HIGD1A: variants seen among roughly 807,000 people sequenced by gnomAD.
HIGD1A encodes HIG1 domain family member 1A, mitochondrial.
Under a neutral mutation model 11.3 loss-of-function variants are expected in HIGD1A, and 8 were observed. The observed-to-expected ratio is 0.71, with a 90% confidence interval of 0.42 to 1.28. The LOEUF (loss-of-function observed/expected upper bound fraction) is 1.28. Ranked by LOEUF, HIGD1A falls within the 50% of genes most tolerant of loss-of-function variation. The pLI, the probability that HIGD1A is intolerant of heterozygous loss-of-function variation, is 0.01. For missense variants in HIGD1A, 107 were observed against 118.8 expected, an observed-to-expected ratio of 0.90 and a Z score of 0.46; for synonymous variants, 32 against 38.4, an observed-to-expected ratio of 0.83 and a Z score of 0.62.
In HIGD1A at chr3:42,784,144, T is replaced by A. The variant is rs1490239216; in HGVS notation, c.*1127A>T. Among the ~76,000 whole-genome samples, 23 of 145,166 alleles carry A rather than the reference T, an allele frequency of 1.6e-4. No individual in the cohort carries two copies. The highest frequency in any genetic ancestry group is 1.4e-3 in the Admixed American group (21 of 14,706). On this transcript the variant is annotated 3_prime_UTR_variant, in exon 4 of 4. Coordinates refer to ENST00000321331, the MANE Select transcript of HIGD1A (RefSeq NM_014056.4). ...AAATTACCCACAAAAGGAAAAAAAA[T>A]AAAACATACCATAAAGTAAAATATT...
At chr3:42,803,624 CT>C (rs1002444771) in intron 1 of HIGD1A, among the ~76,000 whole-genome samples, 15 of 152,220 alleles carry the variant, frequency 9.9e-5, no homozygotes, top group Admixed American at 8.5e-4. Context: ...TCCAAAGTGC[CT>C]TTGTACTTCC....
chr3:42,800,566 C>CT (rs1248315899), intron 1 of HIGD1A, among the ~76,000 whole-genome samples: 35 of 151,516 alleles, frequency 2.3e-4, no homozygotes, highest in Middle Eastern at 3.4e-3. Flanking sequence ...TAACTCCTCC[C>CT]ATTTTTTTTT....
intron 2 of HIGD1A, among the ~76,000 whole-genome samples, chr3:42,791,734 A>G (rs1700423983): frequency 6.6e-6 from 1 of 152,204 alleles, no homozygotes; most frequent in African/African-American, 2.4e-5. Flanking sequence ...ACAACCCATT[A>G]AAGAGCAGAA....
chr3:42,789,110 C>T (rs769401315), intron 2 of HIGD1A, among the ~76,000 whole-genome samples: 3 of 143,648 alleles, frequency 2.1e-5, no homozygotes, highest in East Asian at 4.2e-4. Context: ...GTGCAATCTC[C>T]GCTCACTGCA....
chr3:42,802,961 T>C (rs895592531), intron 1 of HIGD1A, among the ~76,000 whole-genome samples: 13 of 152,218 alleles, frequency 8.5e-5, no homozygotes, highest in African/African-American at 3.1e-4. Context: ...GAATGATATA[T>C]ATAAAAAAAT....
intron 2 of HIGD1A, among the ~76,000 whole-genome samples, chr3:42,790,362 G>A (rs1700408641): frequency 6.6e-6 from 1 of 152,088 alleles, no homozygotes; most frequent in Non-Finnish European, 1.5e-5. Context: ...GCAAAACCCT[G>A]TCTCTACTAA....
chr3:42,804,222 A>G lies in HIGD1A; in HGVS notation c.-23+214T>C, dbSNP rs774932730. ...CGCTGGCTCCGTCTCCCCTCACCCG[A>G]AGGACCCTAGGCCTCGGCTCCCGAC... is the stretch of plus-strand genomic sequence containing the variant. On this transcript the variant is annotated intron_variant, in intron 1 of 3. Transcript: ENST00000321331. 18 of 1,601,980 alleles carry G rather than the reference A, an allele frequency of 1.1e-5. No individual in the cohort carries two copies. The South Asian group carries it at 1.8e-4, about 16-fold the overall frequency.
At chr3:42,791,936 A>T (rs1032123467) in intron 2 of HIGD1A, among the ~76,000 whole-genome samples, 1 of 152,258 alleles carries the variant, frequency 6.6e-6, no homozygotes, top group African/African-American at 2.4e-5. Flanking sequence ...GTTACAAAAC[A>T]TTGTATATCT....
chr3:42,803,140 C>T (rs1370917248), intron 1 of HIGD1A, among the ~76,000 whole-genome samples: 1 of 152,096 alleles, frequency 6.6e-6, no homozygotes, highest in Admixed American at 6.5e-5. Flanking sequence ...GTTGAATAGA[C>T]GCTAAAAAAG....
At chr3:42,801,538 C>T (rs1700562329) in intron 1 of HIGD1A, among the ~76,000 whole-genome samples, 1 of 152,174 alleles carries the variant, frequency 6.6e-6, no homozygotes, top group Non-Finnish European at 1.5e-5. Flanking sequence ...TTAAAAGTTA[C>T]ATTTCTCAAC....
intron 2 of HIGD1A, among the ~76,000 whole-genome samples, chr3:42,792,591 G>A (rs992897274): frequency 1.3e-5 from 2 of 149,974 alleles, no homozygotes; most frequent in South Asian, 2.1e-4. Flanking sequence ...GGAGAATGGC[G>A]TGAACTCGGG....
intron 1 of HIGD1A, among the ~76,000 whole-genome samples, chr3:42,796,020 C>T (rs1246417121): frequency 6.6e-6 from 1 of 152,176 alleles, no homozygotes; most frequent in Admixed American, 6.5e-5. Flanking sequence ...TAAAATCTTA[C>T]TTTCACTTCT....
intron 2 of HIGD1A, among the ~76,000 whole-genome samples, chr3:42,793,833 G>T (rs145897574): frequency 6.6e-6 from 1 of 152,142 alleles, no homozygotes; most frequent in Non-Finnish European, 1.5e-5. Context: ...TTCGCTGGGC[G>T]TGGTGGTGCA....
intron 1 of HIGD1A, 191 bp downstream of exon 1, chr3:42,804,245 G>T: frequency 1.3e-6 from 2 of 1,593,098 alleles, no homozygotes; most frequent in South Asian, 1.1e-5. Context: ...CTCGGCTCCC[G>T]ACTCCTCTCA....
At position 42,783,451 on chromosome 3, in the gene HIGD1A, CT is replaced by C. The variant is rs1260643481; in HGVS notation, c.*1819del. ...CCAACATGGTGAAACCTCGCCTTTACTAAAAACACAAAAATTAGCCCGACAT... is the reference window on the plus strand; with the variant it reads ...CCAACATGGTGAAACCTCGCCTTTACAAAAACACAAAAATTAGCCCGACAT... On this transcript the variant is annotated 3_prime_UTR_variant, in exon 4 of 4. Transcript: ENST00000321331. Among the ~76,000 whole-genome samples, 2 of 151,904 alleles carry C rather than the reference CT, an allele frequency of 1.3e-5. No individual in the cohort carries two copies. The highest frequency in any genetic ancestry group is 4.8e-5 in the African/African-American group (2 of 41,276).
chr3:42,788,156 A>C (rs1050990219), intron 2 of HIGD1A, among the ~76,000 whole-genome samples: 6 of 152,230 alleles, frequency 3.9e-5, no homozygotes, highest in Admixed American at 6.5e-5. Context: ...AACAAATAAA[A>C]TTGTAAAACC....
chr3:42,794,352 T>C (rs1292059437), intron 1 of HIGD1A, 77 bp from the exon 2 acceptor site: 7 of 1,287,634 alleles, frequency 5.4e-6, no homozygotes, highest in Non-Finnish European at 7.3e-6. Context: ...ATTTAAAATA[T>C]TCCTAACTTC....
At chr3:42,800,044 C>T (rs1390342709) in intron 1 of HIGD1A, among the ~76,000 whole-genome samples, 2 of 152,038 alleles carry the variant, frequency 1.3e-5, no homozygotes, top group Admixed American at 6.6e-5. Flanking sequence ...ATGAACTTCT[C>T]GGGCAGGTGC....
Position 42,785,243 on chromosome 3 carries a change from C to A in HIGD1A, c.*28G>T. The A allele has an allele frequency of 6.3e-7, 1 of 1,591,452 alleles. No homozygotes were observed. Among genetic ancestry groups the A allele is most frequent in the Non-Finnish European group, 8.6e-7 (1 of 1,166,536 alleles). On this transcript the variant is annotated 3_prime_UTR_variant, in exon 4 of 4. Transcript: ENST00000321331. ...GACATCTAACTAAAGCAAGCTCCTC[C>A]AACAAGACCAAGACAGCATCTCTTC...
Sources: gnomAD v4.1 joint callset for allele counts (sites outside exome capture counted in the v4.1 genomes callset) on GRCh38, gnomAD v4.1.1 for gene constraint, MANE v1.5 for transcripts, NCBI Gene and HGNC (gene_info 2026-07-23, HGNC 2026-07-21) for gene names.